Variants in SDK1 observed in about 807,000 individuals in gnomAD.
The protein encoded by SDK1 is sidekick cell adhesion molecule 1.
A neutral mutation model predicts 245.5 loss-of-function variants in SDK1; 157 were observed. The ratio of observed to expected loss-of-function variants is 0.64; its 90% confidence interval spans 0.56 to 0.73. The LOEUF (loss-of-function observed/expected upper bound fraction) is 0.73, where lower values mean the gene tolerates loss of function less well. Ranked by LOEUF, SDK1 falls within the 30% of genes least tolerant of loss-of-function variation. The pLI, the probability that SDK1 is intolerant of heterozygous loss-of-function variation, is 0.00. For missense variants in SDK1, 3,583 were observed against 3,002.3 expected, an observed-to-expected ratio of 1.19 and a Z score of -4.52; for synonymous variants, 1,647 against 1,278.5, an observed-to-expected ratio of 1.29 and a Z score of -6.15.
At chr7:3,540,105 T>G (rs1779011322) in intron 1 of SDK1, among the ~76,000 whole-genome samples, 2 of 152,198 alleles carry the variant, frequency 1.3e-5, no homozygotes, top group African/African-American at 4.8e-5. Context: ...TCCTCTCTGG[T>G]AAACCCAAAA....
At chr7:3,713,649 T>A (rs1013055618) in intron 4 of SDK1, among the ~76,000 whole-genome samples, 1 of 152,246 alleles carries the variant, frequency 6.6e-6, no homozygotes, top group African/African-American at 2.4e-5. Flanking sequence ...CCATCCGTCA[T>A]CAGATACCTT....
chr7:3,951,453 A>G (rs935078265), intron 6 of SDK1, among the ~76,000 whole-genome samples: 5 of 152,182 alleles, frequency 3.3e-5, no homozygotes, highest in African/African-American at 9.7e-5. Flanking sequence ...TATTTTAAAC[A>G]TTCATTTCCT....
intron 1 of SDK1, among the ~76,000 whole-genome samples, chr7:3,456,496 T>C (rs564757234): frequency 1.1e-4 from 16 of 152,366 alleles, no homozygotes; most frequent in African/African-American, 2.6e-4. Flanking sequence ...CATTCTCTTA[T>C]TGAGCTCATT....
chr7:3,471,848 C>G (rs369903379), intron 1 of SDK1, among the ~76,000 whole-genome samples: 26 of 152,106 alleles, frequency 1.7e-4, no homozygotes, highest in Non-Finnish European at 3.4e-4. Context: ...GGGACTTTAT[C>G]CATTGAACTT....
chr7:4,266,065 C>G lies in SDK1; in HGVS notation c.*681C>G, dbSNP rs1410012648. ...TGGTGCGGTCCTCAGGCTTTTCTGC[C>G]TGTCTTTCCCCCTTCCTTCTCACCT... is the stretch of plus-strand genomic sequence containing the variant. On this transcript the variant is annotated 3_prime_UTR_variant, in exon 45 of 45. Coordinates refer to ENST00000404826, the MANE Select transcript of SDK1 (RefSeq NM_152744.4). 5.1e-6 allele frequency: 5 copies of G among 985,378 alleles called. No homozygotes were observed. The Admixed American group carries it at 3.1e-4, about 61-fold the overall frequency. The allele number at this position is 985,378 out of a possible 1,614,324, so 61.0% of individuals were successfully genotyped here.
chr7:3,999,559 G>A (rs912610692), intron 14 of SDK1, among the ~76,000 whole-genome samples: 3 of 152,180 alleles, frequency 2.0e-5, no homozygotes, highest in African/African-American at 7.2e-5. Context: ...GGATGCCCTG[G>A]TGCCTCGGGG....
chr7:3,339,801 G>A (rs567776313), intron 1 of SDK1, among the ~76,000 whole-genome samples: 96 of 152,156 alleles, frequency 6.3e-4, no homozygotes, highest in African/African-American at 2.2e-3. Flanking sequence ...GTCAATTTAA[G>A]CTCCTACCTC....
At position 3,639,164 on chromosome 7, in the gene SDK1, G is replaced by A. The variant is rs982333814; in HGVS notation, c.565+54G>A. ...TGTTAAAGAACAAAGTGTCGCTGGGGAGTCAATCAGAATCACTTTTCACCA... is the reference window on the plus strand; with the variant it reads ...TGTTAAAGAACAAAGTGTCGCTGGGAAGTCAATCAGAATCACTTTTCACCA... On this transcript the variant is annotated intron_variant, in intron 3 of 44. Transcript: ENST00000404826. 6 of 958,606 alleles carry A rather than the reference G, an allele frequency of 6.3e-6. No homozygotes were observed. In the South Asian group the frequency reaches 6.7e-5, roughly 11 times the overall value. 59.4% of individuals were successfully genotyped at this position (958,606 alleles called of 1,614,324 possible). A position where few individuals can be genotyped will look rare whatever the true frequency, so the allele number is the denominator to read the frequency against.
At chr7:3,506,682 C>T (rs778254817) in intron 1 of SDK1, among the ~76,000 whole-genome samples, 2 of 152,052 alleles carry the variant, frequency 1.3e-5, no homozygotes, top group African/African-American at 2.4e-5. Context: ...TGTAGCTGCT[C>T]TTGTGTTGTA....
In SDK1 at chr7:4,268,837, T is replaced by C. The variant is rs1788633426; in HGVS notation, c.*3453T>C. On this transcript the variant is annotated 3_prime_UTR_variant, in exon 45 of 45. Coordinates refer to ENST00000404826, the MANE Select transcript of SDK1 (RefSeq NM_152744.4). Reference sequence around the variant, plus strand: ...GGACACGTCTCCTTCCCGCGTCACCTTCTGGTTTAGGGAGCCGTCAGGTCC... The same window carrying C: ...GGACACGTCTCCTTCCCGCGTCACCCTCTGGTTTAGGGAGCCGTCAGGTCC... 9.6e-7 allele frequency: 1 copy of C among 1,041,032 alleles called. No homozygotes were observed. Among genetic ancestry groups the C allele is most frequent in the Middle Eastern group, 2.8e-4 (1 of 3,552 alleles). 64.5% of individuals were successfully genotyped at this position (1,041,032 alleles called of 1,614,324 possible).
intron 25 of SDK1, among the ~76,000 whole-genome samples, chr7:4,126,758 C>G (rs981333891): frequency 1.3e-5 from 2 of 152,248 alleles, no homozygotes; most frequent in Non-Finnish European, 2.9e-5. Flanking sequence ...CTGGCCTCGG[C>G]TGCCCATCTC....
chr7:3,689,253 G>A lies in SDK1; in HGVS notation c.713+47148G>A, dbSNP rs371915111. Reference sequence around the variant, plus strand: ...TTTCCAGCTTCCCTTGCAGCTATGGGGACCTGATGATTCACCTCTCCCACA... The same window carrying A: ...TTTCCAGCTTCCCTTGCAGCTATGGAGACCTGATGATTCACCTCTCCCACA... On this transcript the variant is annotated intron_variant, in intron 4 of 44. Transcript: ENST00000404826. Among the ~76,000 whole-genome samples, 6 of 152,130 alleles carry A rather than the reference G, an allele frequency of 3.9e-5. No homozygotes were observed. In the South Asian group the frequency reaches 6.2e-4, roughly 16 times the overall value.
chr7:3,832,388 C>T (rs12532040), intron 5 of SDK1, among the ~76,000 whole-genome samples: 28,308 of 152,158 alleles, frequency 0.19, 2,794 homozygotes, highest in Middle Eastern at 0.35. Flanking sequence ...AGTTCAACTC[C>T]ACCTTTACCA....
intron 1 of SDK1, among the ~76,000 whole-genome samples, chr7:3,526,798 G>C (rs902416318): frequency 1.3e-5 from 2 of 152,110 alleles, no homozygotes; most frequent in African/African-American, 4.8e-5. Context: ...TTTCATTCCT[G>C]ATGCATATAC....
At chr7:3,308,654 A>T (rs1047183890) in intron 1 of SDK1, among the ~76,000 whole-genome samples, 13 of 152,000 alleles carry the variant, frequency 8.6e-5, no homozygotes, top group East Asian at 3.9e-4. Flanking sequence ...TTTCAAAAAA[A>T]TTTTTTTTAA....
intron 1 of SDK1, among the ~76,000 whole-genome samples, chr7:3,460,448 AC>A (rs1196182458): frequency 6.6e-6 from 1 of 152,184 alleles, no homozygotes; most frequent in African/African-American, 2.4e-5. Context: ...TTATTTGACA[AC>A]TCAAAAGATT....
intron 5 of SDK1, among the ~76,000 whole-genome samples, chr7:3,887,688 A>G (rs1476644): frequency 0.41 from 62,420 of 152,104 alleles, 15,869 homozygotes; most frequent in East Asian, 0.87. Context: ...ATTATTCTCT[A>G]TGTTCTACAT....
At chr7:3,737,341 G>A (rs894691226) in intron 4 of SDK1, among the ~76,000 whole-genome samples, 1 of 152,250 alleles carries the variant, frequency 6.6e-6, no homozygotes, top group Non-Finnish European at 1.5e-5. Flanking sequence ...AGGCAGTGCT[G>A]TGGTCTGAAC....
At chr7:3,536,699 AAAAAAC>A (rs1429944757) in intron 1 of SDK1, among the ~76,000 whole-genome samples, 4 of 152,070 alleles carry the variant, frequency 2.6e-5, no homozygotes, top group South Asian at 2.1e-4. Flanking sequence ...GTCTCAAAAA[AAAAAAC>A]AAAAACAAAA....
Sources: allele counts gnomAD v4.1 joint callset (sites outside exome capture counted in the v4.1 genomes callset), GRCh38; gene constraint gnomAD v4.1.1; transcripts MANE v1.5; gene names NCBI Gene and HGNC (gene_info 2026-07-23, HGNC 2026-07-21).